LRP1B: variants seen among roughly 807,000 people sequenced by gnomAD.
The protein encoded by LRP1B is low-density lipoprotein receptor-related protein 1B.
A neutral mutation model predicts 556.6 loss-of-function variants in LRP1B; 217 were observed. The observed-to-expected ratio is 0.39, with a 90% CI of 0.35 to 0.44. The LOEUF is 0.44. Among genes scored for constraint, LRP1B ranks in the 20% least tolerant of loss-of-function variants. The pLI, the probability that LRP1B is intolerant of heterozygous loss-of-function variation, is 1.00. For missense variants in LRP1B, 5,053 were observed against 5,620.8 expected (o/e 0.90, Z 3.23); for synonymous variants, 2,047 against 1,865.8 (o/e 1.10, Z -2.50).
At chr2:141,887,584 C>T (rs1365860276) in intron 1 of LRP1B, among the ~76,000 whole-genome samples, 1 of 152,112 alleles carries the variant, frequency 6.6e-6, no homozygotes, top group Non-Finnish European at 1.5e-5. Context: ...GAAGGCAGGA[C>T]ACCGGATGAA....
chr2:140,840,615 C>T (rs1260331007), intron 30 of LRP1B, among the ~76,000 whole-genome samples: 1 of 152,130 alleles, frequency 6.6e-6, no homozygotes, highest in African/African-American at 2.4e-5. Flanking sequence ...TAACCACTGG[C>T]TTTCAAAATG....
In LRP1B at chr2:141,194,379, A is replaced by G. The variant is rs113969383; in HGVS notation, c.851-5796T>C. On this transcript the variant is annotated intron_variant, in intron 6 of 90. Transcript: ENST00000389484. Reference sequence around the variant, plus strand: ...CAAGGATCAGAATGAGAACATAAATAGGCTAAATTTATTAATCAGGACTGT... The same window carrying G: ...CAAGGATCAGAATGAGAACATAAATGGGCTAAATTTATTAATCAGGACTGT... 2.2e-3 allele frequency among the ~76,000 whole-genome samples: 342 copies of G among 152,230 alleles called. 1 individual carries two copies. The highest frequency in any genetic ancestry group is 7.2e-3 in the African/African-American group (301 of 41,560).
At chr2:141,767,560 C>T (rs980487443) in intron 2 of LRP1B, among the ~76,000 whole-genome samples, 5 of 151,952 alleles carry the variant, frequency 3.3e-5, no homozygotes, top group Non-Finnish European at 7.4e-5. Context: ...TACTTTCTAT[C>T]CTGCTCTTAA....
At chr2:140,987,419 C>T (rs1696958573) in intron 17 of LRP1B, among the ~76,000 whole-genome samples, 2 of 151,972 alleles carry the variant, frequency 1.3e-5, no homozygotes, top group African/African-American at 4.8e-5. Flanking sequence ...GCAAAAGCAA[C>T]AATTATTTTT....
chr2:141,235,383 T>A (rs1490862929), intron 5 of LRP1B, among the ~76,000 whole-genome samples: 1 of 152,146 alleles, frequency 6.6e-6, no homozygotes, highest in Non-Finnish European at 1.5e-5. Flanking sequence ...ACTATGTTTT[T>A]ATAATCAGGT....
At chr2:141,580,437 A>T (rs1337073195) in intron 2 of LRP1B, among the ~76,000 whole-genome samples, 2 of 152,190 alleles carry the variant, frequency 1.3e-5, no homozygotes, top group Non-Finnish European at 2.9e-5. Context: ...CTTAATAAGC[A>T]TTTTTGTCCT....
intron 1 of LRP1B, among the ~76,000 whole-genome samples, chr2:141,883,010 C>T (rs1699004342): frequency 1.3e-5 from 2 of 152,076 alleles, no homozygotes; most frequent in South Asian, 4.1e-4. Flanking sequence ...TATTCATCTT[C>T]CTTATGGTTA....
intron 23 of LRP1B, 57 bp downstream of exon 23, chr2:140,902,861 ATT>A: frequency 6.4e-7 from 1 of 1,558,790 alleles, no homozygotes; most frequent in Non-Finnish European, 8.7e-7. Flanking sequence ...CAGTTTTGGG[ATT>A]TGTTTCTTTC....
intron 2 of LRP1B, among the ~76,000 whole-genome samples, chr2:141,737,297 A>G (rs1200733408): frequency 6.6e-6 from 1 of 152,174 alleles, no homozygotes; most frequent in African/African-American, 2.4e-5. Context: ...GGTTGCAGTG[A>G]GCCAAGATCA....
At chr2:140,747,599 G>T (rs1452947966) in intron 35 of LRP1B, among the ~76,000 whole-genome samples, 1 of 152,024 alleles carries the variant, frequency 6.6e-6, no homozygotes, top group Non-Finnish European at 1.5e-5. Flanking sequence ...GAAAACATGT[G>T]GTATGGGAGT....
chr2:141,237,462 T>C (rs1341735329), intron 5 of LRP1B, among the ~76,000 whole-genome samples: 1 of 150,856 alleles, frequency 6.6e-6, no homozygotes, highest in East Asian at 2.0e-4. Context: ...TTCCTTGGCC[T>C]CCCAAAGTGC....
Position 140,749,837 on chromosome 2 carries a change from T to A in LRP1B, c.5758+19376A>T, listed in dbSNP as rs572299067. On this transcript the variant is annotated intron_variant, in intron 35 of 90. Transcript: ENST00000389484. The stretch of plus-strand genomic sequence containing the variant: ...TTTGTTACTATTGTCAAGTATTATA[T>A]ACTGTACATAATTTTATGTGCTATA... Among the ~76,000 whole-genome samples the A allele has an allele frequency of 2.6e-4, 39 of 152,368 alleles. No homozygotes were observed. In the South Asian group the frequency reaches 8.1e-3, roughly 32 times the overall value.
intron 1 of LRP1B, among the ~76,000 whole-genome samples, chr2:142,045,814 T>C (rs1172068007): frequency 2.6e-5 from 4 of 151,890 alleles, no homozygotes; most frequent in African/African-American, 9.7e-5. Context: ...TCTGTAAATG[T>C]TAAGCCTGGG....
At chr2:141,326,609 A>T (rs1373375392) in intron 3 of LRP1B, among the ~76,000 whole-genome samples, 1 of 152,172 alleles carries the variant, frequency 6.6e-6, no homozygotes, top group African/African-American at 2.4e-5. Context: ...AACATTTGTC[A>T]ATGTCAGGGC....
chr2:140,950,948 TGA>T (rs918084122), intron 19 of LRP1B, among the ~76,000 whole-genome samples: 9 of 151,728 alleles, frequency 5.9e-5, no homozygotes, highest in African/African-American at 1.5e-4. Context: ...ACTGCTAAAC[TGA>T]GAGAAAAAAA....
intron 3 of LRP1B, among the ~76,000 whole-genome samples, chr2:141,266,569 A>G (rs898481150): frequency 5.3e-5 from 8 of 152,132 alleles, no homozygotes; most frequent in Admixed American, 1.3e-4. Flanking sequence ...TGCTAAGAGA[A>G]TTTCTCATTT....
chr2:142,092,363 T>C (rs1237685048), intron 1 of LRP1B, among the ~76,000 whole-genome samples: 2 of 152,200 alleles, frequency 1.3e-5, no homozygotes, highest in African/African-American at 4.8e-5. Flanking sequence ...ATTAGTATTT[T>C]CATTTGTATT....
At chr2:141,604,901 AAC>A (rs1436048651) in intron 2 of LRP1B, among the ~76,000 whole-genome samples, 1 of 152,028 alleles carries the variant, frequency 6.6e-6, no homozygotes, top group Non-Finnish European at 1.5e-5. Flanking sequence ...AGAACTTGGG[AAC>A]CCTGGAACAC....
chr2:141,985,333 G>C (rs536215795), intron 1 of LRP1B, among the ~76,000 whole-genome samples: 1 of 152,116 alleles, frequency 6.6e-6, no homozygotes, highest in African/African-American at 2.4e-5. Flanking sequence ...GGATGCAAAG[G>C]AGCTTGAAAA....
Sources: gnomAD v4.1 joint callset for allele counts (sites outside exome capture counted in the v4.1 genomes callset) on GRCh38, gnomAD v4.1.1 for gene constraint, MANE v1.5 for transcripts, NCBI Gene and HGNC (gene_info 2026-07-23, HGNC 2026-07-21) for gene names.